CDKAL1: variants seen among roughly 807,000 people sequenced by gnomAD.
CDKAL1 encodes CDKAL1 threonylcarbamoyladenosine tRNA methylthiotransferase.
In CDKAL1, 32 loss-of-function variants were observed where a neutral mutation model predicts 68.2. The observed-to-expected ratio is 0.47, with a 90% CI of 0.35 to 0.63. CDKAL1 has a LOEUF of 0.63. Among genes scored for constraint, CDKAL1 ranks in the 30% least tolerant of loss-of-function variants. The pLI, the probability that CDKAL1 is intolerant of heterozygous loss-of-function variation, is 0.00. For synonymous variants in CDKAL1, 234 were observed against 244.3 expected (o/e 0.96, Z 0.39); for missense variants, 606 against 696.7 (o/e 0.87, Z 1.47).
At chr6:21,135,460 A>G (rs1352547165) in intron 13 of CDKAL1, among the ~76,000 whole-genome samples, 3 of 152,146 alleles carry the variant, frequency 2.0e-5, no homozygotes, top group Non-Finnish European at 4.4e-5. Flanking sequence ...TTCTCCTCCC[A>G]TGTCACAGTA....
At chr6:21,056,207 G>A (rs913897780) in intron 11 of CDKAL1, among the ~76,000 whole-genome samples, 1 of 151,990 alleles carries the variant, frequency 6.6e-6, no homozygotes, top group African/African-American at 2.4e-5. Context: ...TTTGAACGGT[G>A]GTTTGTAGTT....
chr6:21,140,522 C>T (rs1412712341), intron 13 of CDKAL1, among the ~76,000 whole-genome samples: 2 of 152,130 alleles, frequency 1.3e-5, no homozygotes, highest in Non-Finnish European at 2.9e-5. Context: ...CACTTTCTGA[C>T]CAAATTATCC....
chr6:20,597,651 G>A (rs1765892214), intron 4 of CDKAL1, among the ~76,000 whole-genome samples: 1 of 150,718 alleles, frequency 6.6e-6, no homozygotes, highest in African/African-American at 2.4e-5. Context: ...CTGGCCTCAA[G>A]CAATCCACCT....
intron 4 of CDKAL1, among the ~76,000 whole-genome samples, chr6:20,568,728 C>T (rs1389903773): frequency 1.6e-5 from 2 of 122,500 alleles, no homozygotes; most frequent in African/African-American, 6.4e-5. Context: ...GAGCGAGACT[C>T]CGCCTCAAAA....
chr6:21,045,851 C>T (rs1770197426), intron 11 of CDKAL1, among the ~76,000 whole-genome samples: 1 of 152,196 alleles, frequency 6.6e-6, no homozygotes, highest in African/African-American at 2.4e-5. Flanking sequence ...CCGATGGCGT[C>T]TCAAGTCACT....
chr6:20,980,368 G>A (rs773792753), intron 10 of CDKAL1, among the ~76,000 whole-genome samples: 12 of 152,062 alleles, frequency 7.9e-5, no homozygotes, highest in Non-Finnish European at 1.8e-4. Context: ...CTCCAGAGTA[G>A]CTGAGACTAC....
At chr6:20,650,477 G>T (rs907869063) in intron 5 of CDKAL1, among the ~76,000 whole-genome samples, 16 of 152,098 alleles carry the variant, frequency 1.1e-4, no homozygotes, top group Non-Finnish European at 2.2e-4. Flanking sequence ...TATGTGGATA[G>T]ATTGCAAAAA....
At chr6:21,160,648 C>CAT (rs1293723335) in intron 13 of CDKAL1, among the ~76,000 whole-genome samples, 8 of 115,812 alleles carry the variant, frequency 6.9e-5, no homozygotes, top group African/African-American at 1.6e-4. Flanking sequence ...CACACACACA[C>CAT]ACACACACGT....
intron 9 of CDKAL1, among the ~76,000 whole-genome samples, chr6:20,879,103 T>C (rs1760688161): frequency 6.6e-6 from 1 of 151,390 alleles, no homozygotes; most frequent in South Asian, 2.1e-4. Context: ...AAAAAAATAA[T>C]AAATAAATAA....
intron 4 of CDKAL1, among the ~76,000 whole-genome samples, chr6:20,617,309 G>C (rs188623175): frequency 6.6e-6 from 1 of 152,154 alleles, no homozygotes; most frequent in Non-Finnish European, 1.5e-5. Context: ...TGAGCAGTCT[G>C]TGTGTAGGCC....
intron 8 of CDKAL1, among the ~76,000 whole-genome samples, chr6:20,838,349 G>A (rs894136263): frequency 1.3e-5 from 2 of 152,006 alleles, no homozygotes; most frequent in African/African-American, 4.8e-5. Flanking sequence ...CTTTGTCTGG[G>A]TCTCAGCTTG....
At chr6:20,932,089 T>TA (rs1416391518) in intron 9 of CDKAL1, among the ~76,000 whole-genome samples, 1 of 152,176 alleles carries the variant, frequency 6.6e-6, no homozygotes, top group Non-Finnish European at 1.5e-5. Flanking sequence ...ATTAATCATT[T>TA]CTAAGCTATT....
intron 9 of CDKAL1, among the ~76,000 whole-genome samples, chr6:20,853,074 T>C (rs1759104644): frequency 6.6e-6 from 1 of 152,218 alleles, no homozygotes; most frequent in Non-Finnish European, 1.5e-5. Context: ...TGGATATGGC[T>C]GTGCTTCATT....
At chr6:20,858,850 T>C (rs1228724548) in intron 9 of CDKAL1, among the ~76,000 whole-genome samples, 1 of 152,090 alleles carries the variant, frequency 6.6e-6, no homozygotes, top group Non-Finnish European at 1.5e-5. Context: ...AAAATAAAAA[T>C]TAAAAACAGA....
chr6:21,199,901 T>C (rs1346509481), intron 14 of CDKAL1, among the ~76,000 whole-genome samples: 1 of 152,242 alleles, frequency 6.6e-6, no homozygotes, highest in Non-Finnish European at 1.5e-5. Context: ...TCAGTGGTCA[T>C]AAAAATCAAA....
At chr6:20,878,457 C>A (rs1218573999) in intron 9 of CDKAL1, among the ~76,000 whole-genome samples, 1 of 152,180 alleles carries the variant, frequency 6.6e-6, no homozygotes, top group Admixed American at 6.6e-5. Context: ...CCAACCTTAG[C>A]GGCCAGGTGC....
intron 13 of CDKAL1, among the ~76,000 whole-genome samples, chr6:21,177,463 T>C (rs1019599109): frequency 2.0e-5 from 3 of 152,354 alleles, no homozygotes; most frequent in African/African-American, 7.2e-5. Context: ...AGATTTGATT[T>C]AACTGCCTAA....
At chr6:20,676,248 T>G (rs531348032) in intron 5 of CDKAL1, among the ~76,000 whole-genome samples, 162 of 152,278 alleles carry the variant, frequency 1.1e-3, no homozygotes, top group African/African-American at 3.7e-3. Context: ...GTACAGTGTT[T>G]ATTGTACATT....
chr6:20,833,966 C>A (rs947858942), intron 8 of CDKAL1, among the ~76,000 whole-genome samples: 1 of 152,166 alleles, frequency 6.6e-6, no homozygotes, highest in East Asian at 1.9e-4. Context: ...TCAGCACAGA[C>A]TTCCTGAATG....
Sources: gnomAD v4.1 joint callset for allele counts (sites outside exome capture counted in the v4.1 genomes callset) on GRCh38, gnomAD v4.1.1 for gene constraint, MANE v1.5 for transcripts, NCBI Gene and HGNC (gene_info 2026-07-23, HGNC 2026-07-21) for gene names.